Variants in TMEM171 observed in about 807,000 individuals in gnomAD.
The protein encoded by TMEM171 is proline-rich protein PRP2.
A neutral mutation model predicts 19.1 loss-of-function variants in TMEM171; 16 were observed. That is an observed-to-expected ratio of 0.84 (90% CI 0.57 to 1.27). The LOEUF (loss-of-function observed/expected upper bound fraction) is 1.27. TMEM171 is among the 50% of genes most tolerant of loss of function. The pLI, the probability that TMEM171 is intolerant of heterozygous loss-of-function variation, is 0.00. For missense variants in TMEM171, 429 were observed against 412.7 expected, an observed-to-expected ratio of 1.04 and a Z score of -0.34; for synonymous variants, 153 against 163.4, an observed-to-expected ratio of 0.94 and a Z score of 0.48.
rs997786911 is a variant in TMEM171 at position 73,121,297 on chromosome 5, A to C, written c.-69+601A>C. ...CTGCAAAGTTGACTATACTGGGAAT[A>C]AATGAATTCCTGATAGGACTTTGCA... On this transcript the variant is annotated intron_variant, in intron 1 of 3. Transcript: ENST00000454765. Among the ~76,000 whole-genome samples, 34 of 152,242 alleles carry C rather than the reference A, an allele frequency of 2.2e-4. 1 individual carries two copies.
rs150651292 is a variant in TMEM171 at position 73,127,369 on chromosome 5, T to TAAAAAAAAAAAA, written c.641-1016_641-1005dup. Among the ~76,000 whole-genome samples the TAAAAAAAAAAAA allele has an allele frequency of 3.5e-4, 34 of 97,170 alleles. 1 individual carries two copies. The highest frequency in any genetic ancestry group is 2.0e-3 in the East Asian group (6 of 2,990). The allele number at this position is 97,170 out of a possible 152,430, so 63.7% of individuals were successfully genotyped here. On this transcript the variant is annotated intron_variant, in intron 2 of 3. Transcript: ENST00000454765. ...AGGCCTACTTTTAAAAAATTTGTGG[T>TAAAAAAAAAAAA]AAAAAAAAAAAAAAAATATATATAT...
intron 3 of TMEM171, among the ~76,000 whole-genome samples, chr5:73,131,141 G>T (rs1296901014): frequency 6.6e-6 from 1 of 151,998 alleles, no homozygotes; most frequent in East Asian, 1.9e-4. Flanking sequence ...CAGGTTTGTG[G>T]CTTAATGTTT....
Position 73,131,545 on chromosome 5 carries a change from C to T in TMEM171, c.790C>T (p.Pro264Ser). The T allele has an allele frequency of 6.3e-7, 1 of 1,594,628 alleles. No homozygotes were observed. The highest frequency in any genetic ancestry group is 8.5e-7 in the Non-Finnish European group (1 of 1,171,922). ...CTCTCTCCTTCTCTTTAGCAGGACC[C>T]CAACTTCAGAGGGTGCAGCCTCTGA... Reference protein sequence around the residue: ...YYSIFNYGRTPTSEGAASERD... With the variant: ...YYSIFNYGRTSTSEGAASERD... Residue 264 changes from proline (P) to serine (S), a missense_variant, in exon 4 of 4, where the codon CCA becomes TCA. Transcript: ENST00000454765.
chr5:73,127,384 A>AATATATATAT (rs59879336), intron 2 of TMEM171, among the ~76,000 whole-genome samples: 9 of 81,664 alleles, frequency 1.1e-4, no homozygotes, highest in Middle Eastern at 5.4e-3. Flanking sequence ...AAAAAAAAAA[A>AATATATATAT]ATATATATAT....
At chr5:73,124,124 T>A in intron 2 of TMEM171, 111 bp downstream of exon 2, 1 of 976,818 alleles carries the variant, frequency 1.0e-6, no homozygotes, top group Non-Finnish European at 1.5e-6. Context: ...CTTCCATCTC[T>A]CACACATGTG....
chr5:73,123,563 C>A lies in TMEM171; in HGVS notation c.190C>A (p.Pro64Thr), dbSNP rs199532513. 15 of 1,614,118 alleles carry A rather than the reference C, an allele frequency of 9.3e-6. No individual in the cohort carries two copies. The highest frequency in any genetic ancestry group is 2.7e-5 in the African/African-American group (2 of 74,938). The part of the protein sequence containing the change: ...DCPMVLKVAG[P>T]ACAVVGLGAV... ...CCCCATGGTGCTCAAGGTGGCGGGG[C>A]CTGCATGTGCCGTGGTTGGGCTTGG... Residue 64 changes from proline (P) to threonine (T), a missense_variant, in exon 2 of 4, where the codon CCT becomes ACT. Physicochemically the swap from Pro to Thr is conservative, Grantham distance 38. Transcript: ENST00000454765.
At chr5:73,121,946 G>A (rs1373912448) in intron 1 of TMEM171, among the ~76,000 whole-genome samples, 2 of 152,116 alleles carry the variant, frequency 1.3e-5, no homozygotes, top group Non-Finnish European at 2.9e-5. Flanking sequence ...CCTGACTTAC[G>A]GGGTCCTGGT....
At position 73,123,616 on chromosome 5, in the gene TMEM171, G is replaced by T. The variant is rs756892573; in HGVS notation, c.243G>T (p.Ala81=). 5.0e-6 allele frequency: 8 copies of T among 1,614,090 alleles called. No individual in the cohort carries two copies. Among genetic ancestry groups the T allele is most frequent in the African/African-American group, 2.7e-5 (2 of 74,934 alleles). Residue 81 remains alanine (A), a synonymous_variant, in exon 2 of 4, where the codon GCG becomes GCT. Transcript: ENST00000454765. ...CTGTGATCCTGGCCCGCTCCCGGGC[G>T]CAACTTCAGCTCCGTGCAGGGCTGC... The part of the protein sequence containing the change: ...LGAVILARSR[A]QLQLRAGLQR...
At position 73,126,010 on chromosome 5, in the gene TMEM171, C is replaced by T. The variant is rs147133755; in HGVS notation, c.640+1997C>T. On this transcript the variant is annotated intron_variant, in intron 2 of 3. Transcript: ENST00000454765. ...CTTGGAGGGGTGTATATGTTGTCTGCTCACAGAGGACATCAAGTTCTGAAA... is the reference window on the plus strand; with the variant it reads ...CTTGGAGGGGTGTATATGTTGTCTGTTCACAGAGGACATCAAGTTCTGAAA... Among the ~76,000 whole-genome samples, 5 of 152,292 alleles carry T rather than the reference C, an allele frequency of 3.3e-5. No individual in the cohort carries two copies. The East Asian group carries it at 9.7e-4, about 29-fold the overall frequency.
chr5:73,128,236 A>G (rs545424541), intron 2 of TMEM171, among the ~76,000 whole-genome samples, 154 bp from the exon 3 acceptor site: 1 of 152,232 alleles, frequency 6.6e-6, no homozygotes, highest in South Asian at 2.1e-4. Flanking sequence ...TTCTATCTCT[A>G]TACATTTAAT....
chr5:73,131,305 A>G (rs1744348067), intron 3 of TMEM171, among the ~76,000 whole-genome samples: 1 of 152,026 alleles, frequency 6.6e-6, no homozygotes, highest in Non-Finnish European at 1.5e-5. Context: ...TTCAATGACA[A>G]AGGGAATGAC....
At chr5:73,128,167 A>G (rs556916091) in intron 2 of TMEM171, among the ~76,000 whole-genome samples, 1 of 152,188 alleles carries the variant, frequency 6.6e-6, no homozygotes, top group South Asian at 2.1e-4. Context: ...ACCAAACAGC[A>G]ATTCCCACTC....
chr5:73,130,418 G>A (rs1300101459), intron 3 of TMEM171, among the ~76,000 whole-genome samples: 1 of 152,200 alleles, frequency 6.6e-6, no homozygotes, highest in Non-Finnish European at 1.5e-5. Context: ...AAGACAATGA[G>A]ATATGTGCAT....
intron 1 of TMEM171, among the ~76,000 whole-genome samples, chr5:73,121,015 G>A (rs1473519757): frequency 6.6e-6 from 1 of 152,194 alleles, no homozygotes; most frequent in Non-Finnish European, 1.5e-5. Context: ...TTTGGCTTTG[G>A]GGAGTTTAAG....
At chr5:73,129,966 G>T (rs1042114894) in intron 3 of TMEM171, among the ~76,000 whole-genome samples, 2 of 152,218 alleles carry the variant, frequency 1.3e-5, no homozygotes, top group African/African-American at 4.8e-5. Flanking sequence ...GGTGCCAGGA[G>T]CCTGGGGGAG....
chr5:73,131,510 C>T (rs1744355029), intron 3 of TMEM171, 28 bp from the exon 4 acceptor site: 2 of 1,536,684 alleles, frequency 1.3e-6, no homozygotes, highest in Non-Finnish European at 1.7e-6. Flanking sequence ...CATCCCCTCC[C>T]CTTCATGTTC....
At chr5:73,124,123 C>T in intron 2 of TMEM171, 110 bp downstream of exon 2, 1 of 982,742 alleles carries the variant, frequency 1.0e-6, no homozygotes, top group Non-Finnish European at 1.5e-6. Context: ...TCTTCCATCT[C>T]TCACACATGT....
rs1744362670 is a variant in TMEM171 at position 73,131,662 on chromosome 5, A to G, written c.907A>G (p.Arg303Gly). 1 of 1,614,006 alleles carries G rather than the reference A, an allele frequency of 6.2e-7. No homozygotes were observed. The highest frequency in any genetic ancestry group is 1.7e-5 in the Admixed American group (1 of 59,996). ...ACATCTTCCATCTGAATTGCCTCCT[A>G]GATATGAAGAAAAAGAAAATGCTGC... Reference protein sequence around the residue: ...TPHLPSELPPRYEEKENAAAT... With the variant: ...TPHLPSELPPGYEEKENAAAT... Residue 303 changes from arginine (R) to glycine (G), a missense_variant, in exon 4 of 4, where the codon AGA becomes GGA. Physicochemically the swap from Arg to Gly is moderately radical, Grantham distance 125. Transcript: ENST00000454765.
At chr5:73,130,922 T>C (rs1744337663) in intron 3 of TMEM171, among the ~76,000 whole-genome samples, 1 of 152,196 alleles carries the variant, frequency 6.6e-6, no homozygotes, top group Admixed American at 6.5e-5. Context: ...AGGGTCTGGC[T>C]TTTCTTGCAT....
Sources: allele counts gnomAD v4.1 joint callset (sites outside exome capture counted in the v4.1 genomes callset), GRCh38; gene constraint gnomAD v4.1.1; transcripts MANE v1.5; gene names NCBI Gene and HGNC (gene_info 2026-07-23, HGNC 2026-07-21).